TACR3: variants seen among roughly 807,000 people sequenced by gnomAD.
TACR3 encodes tachykinin receptor 3, also known as neuromedin-K receptor.
A neutral mutation model predicts 35.0 loss-of-function variants in TACR3; 34 were observed. That is an observed-to-expected ratio of 0.97 (90% CI 0.74 to 1.30). The LOEUF is 1.30. TACR3 is among the 50% of genes most tolerant of loss of function. The pLI, the probability that TACR3 is intolerant of heterozygous loss-of-function variation, is 0.00. For missense variants in TACR3, 558 were observed against 591.7 expected (o/e 0.94, Z 0.59); for synonymous variants, 233 against 221.1 (o/e 1.05, Z -0.48).
chr4:103,603,302 T>C (rs1724257063), intron 3 of TACR3, among the ~76,000 whole-genome samples: 1 of 152,224 alleles, frequency 6.6e-6, no homozygotes, highest in South Asian at 2.1e-4. Flanking sequence ...GTCACTGCTT[T>C]CTTTGACTAG....
Position 103,658,423 on chromosome 4 carries a change from A to T in TACR3, c.549-20T>A, listed in dbSNP as rs200297821. ...ATATACCTATATAAAAACAAACAAA[A>T]CCATTTCATTGGTTTTCTTTATAAC... On this transcript the variant is annotated intron_variant, in intron 1 of 4. Coordinates refer to ENST00000304883, the MANE Select transcript of TACR3 (RefSeq NM_001059.3). 3.7e-5 allele frequency: 59 copies of T among 1,606,762 alleles called. No homozygotes were observed. The highest frequency in any genetic ancestry group is 4.9e-5 in the Non-Finnish European group (58 of 1,174,152).
chr4:103,599,859 GTATT>G (rs1351422753), intron 3 of TACR3, among the ~76,000 whole-genome samples: 3 of 152,148 alleles, frequency 2.0e-5, no homozygotes, highest in Admixed American at 2.0e-4. Flanking sequence ...CGGTTTGCCA[GTATT>G]TTATTGAGGA....
intron 3 of TACR3, among the ~76,000 whole-genome samples, chr4:103,617,217 C>T (rs1022964122): frequency 4.6e-5 from 7 of 150,786 alleles, no homozygotes; most frequent in South Asian, 2.1e-4. Flanking sequence ...TAAATAAGTA[C>T]GATAAACATA....
chr4:103,598,809 CTA>C (rs1724110993), intron 3 of TACR3, among the ~76,000 whole-genome samples: 1 of 152,114 alleles, frequency 6.6e-6, no homozygotes. Context: ...TTCCATTGGT[CTA>C]TATATCTGTT....
At chr4:103,641,397 G>A (rs1578239457) in intron 3 of TACR3, among the ~76,000 whole-genome samples, 1 of 151,906 alleles carries the variant, frequency 6.6e-6, no homozygotes, top group East Asian at 1.9e-4. Flanking sequence ...CTAATCATGA[G>A]GGAAATTCAA....
intron 3 of TACR3, among the ~76,000 whole-genome samples, chr4:103,604,301 A>G (rs1391265028): frequency 6.6e-6 from 1 of 152,248 alleles, no homozygotes; most frequent in Non-Finnish European, 1.5e-5. Flanking sequence ...AGGATTCCCT[A>G]TTTAATAAAT....
At chr4:103,662,893 A>G (rs968674280) in intron 1 of TACR3, among the ~76,000 whole-genome samples, 8 of 152,196 alleles carry the variant, frequency 5.3e-5, no homozygotes, top group Non-Finnish European at 1.2e-4. Flanking sequence ...CACCAGAACA[A>G]TAAGACTATA....
At chr4:103,629,872 CAAAAAAAACAACAACAACAACAAA>C (rs1471827475) in intron 3 of TACR3, among the ~76,000 whole-genome samples, 158 of 104,098 alleles carry the variant, frequency 1.5e-3, no homozygotes, top group African/African-American at 5.6e-3. Flanking sequence ...AAAAAAAAAA[CAAAAAAAACAACAACAACAACAAA>C]AAAAAACAAA....
intron 1 of TACR3, among the ~76,000 whole-genome samples, chr4:103,676,892 C>A (rs1292072013): frequency 6.6e-6 from 1 of 152,088 alleles, no homozygotes; most frequent in Non-Finnish European, 1.5e-5. Flanking sequence ...AGATTCTTCA[C>A]AGCAAAAGAA....
At chr4:103,591,793 G>C (rs902982799) in intron 3 of TACR3, 110 bp from the exon 4 acceptor site, 6 of 1,055,810 alleles carry the variant, frequency 5.7e-6, no homozygotes, top group Middle Eastern at 3.0e-4. Context: ...ATCATGCCTA[G>C]GGAATAGTCA....
At chr4:103,643,984 T>C (rs1725408542) in intron 3 of TACR3, among the ~76,000 whole-genome samples, 1 of 151,798 alleles carries the variant, frequency 6.6e-6, no homozygotes, top group Non-Finnish European at 1.5e-5. Flanking sequence ...TTCTTATCTT[T>C]TTAAAAAAGA....
intron 1 of TACR3, among the ~76,000 whole-genome samples, chr4:103,702,010 A>G (rs375109889): frequency 0.12 from 17,942 of 152,088 alleles, 1,435 homozygotes; most frequent in East Asian, 0.43. Context: ...CATGTCTAAA[A>G]CACCAAAAGC....
chr4:103,643,549 G>T (rs192326575), intron 3 of TACR3, among the ~76,000 whole-genome samples: 1 of 151,824 alleles, frequency 6.6e-6, no homozygotes, highest in Non-Finnish European at 1.5e-5. Context: ...AACTCTACTT[G>T]CACTACCTGT....
At chr4:103,690,383 T>C (rs1722375318) in intron 1 of TACR3, among the ~76,000 whole-genome samples, 1 of 152,044 alleles carries the variant, frequency 6.6e-6, no homozygotes, top group Non-Finnish European at 1.5e-5. Context: ...TTAGACAAAA[T>C]AGTCTTTAAG....
At chr4:103,615,789 G>A (rs1265994223) in intron 3 of TACR3, among the ~76,000 whole-genome samples, 2 of 152,100 alleles carry the variant, frequency 1.3e-5, no homozygotes, top group Admixed American at 1.3e-4. Flanking sequence ...ATTCTTAACT[G>A]TAATATATAG....
chr4:103,601,156 A>T (rs900232987), intron 3 of TACR3, among the ~76,000 whole-genome samples: 3 of 152,038 alleles, frequency 2.0e-5, no homozygotes, highest in African/African-American at 7.2e-5. Flanking sequence ...TTGGGTGTAT[A>T]TATATTTAGG....
intron 3 of TACR3, among the ~76,000 whole-genome samples, chr4:103,649,582 A>G (rs1210444324): frequency 6.6e-6 from 1 of 152,022 alleles, no homozygotes; most frequent in African/African-American, 2.4e-5. Context: ...CCTGCCTTCA[A>G]GCTCACTAAT....
intron 1 of TACR3, among the ~76,000 whole-genome samples, chr4:103,681,508 G>T (rs1177623737): frequency 1.3e-4 from 20 of 151,996 alleles, no homozygotes; most frequent in Admixed American, 1.3e-3. Context: ...TCAAGGCAAA[G>T]AAAATTACCA....
intron 3 of TACR3, among the ~76,000 whole-genome samples, chr4:103,597,897 G>A (rs947125641): frequency 6.6e-6 from 1 of 152,112 alleles, no homozygotes; most frequent in Non-Finnish European, 1.5e-5. Context: ...ATTGTGAATA[G>A]TGCCGCTATA....
Sources: allele counts gnomAD v4.1 joint callset (sites outside exome capture counted in the v4.1 genomes callset), GRCh38; gene constraint gnomAD v4.1.1; transcripts MANE v1.5; gene names NCBI Gene and HGNC (gene_info 2026-07-23, HGNC 2026-07-21).